Variants in CCSER1 observed in about 807,000 individuals in gnomAD.
The protein encoded by CCSER1 is coiled-coil serine rich protein 1, also known as serine-rich coiled-coil domain-containing protein 1.
Under a neutral mutation model 82.0 loss-of-function variants are expected in CCSER1, and 41 were observed. The observed-to-expected ratio is 0.50, with a 90% CI of 0.39 to 0.65. CCSER1 has a LOEUF of 0.65. Among genes scored for constraint, CCSER1 ranks in the 30% least tolerant of loss-of-function variants. The pLI is 0.00. For missense variants in CCSER1, 1,119 were observed against 1,064.2 expected (o/e 1.05, Z -0.72); for synonymous variants, 414 against 383.9 (o/e 1.08, Z -0.92).
intron 5 of CCSER1, among the ~76,000 whole-genome samples, chr4:90,618,272 G>T (rs913958197): frequency 2.0e-5 from 3 of 151,820 alleles, no homozygotes; most frequent in African/African-American, 7.3e-5. Flanking sequence ...ATACTTTTAG[G>T]TATTACCTTT....
Position 91,569,385 on chromosome 4 carries a change from G to C in CCSER1, c.2218-29187G>C, listed in dbSNP as rs556091145. Among the ~76,000 whole-genome samples, 362 of 152,280 alleles carry C rather than the reference G, an allele frequency of 2.4e-3. 1 individual carries two copies. The highest frequency in any genetic ancestry group is 3.7e-3 in the Non-Finnish European group (253 of 68,020). ...GGTAGAAGAGGAAAGGATCTTAGTA[G>C]TGGTTGGAGCTGAGGATTGTTTGGT... On this transcript the variant is annotated intron_variant, in intron 10 of 10. Coordinates refer to ENST00000509176, the MANE Select transcript of CCSER1 (RefSeq NM_001145065.2).
intron 5 of CCSER1, among the ~76,000 whole-genome samples, chr4:90,470,353 A>G (rs1185850564): frequency 6.6e-6 from 1 of 152,182 alleles, no homozygotes; most frequent in African/African-American, 2.4e-5. Context: ...TACATACCCA[A>G]CACTGTTATT....
At chr4:90,179,905 C>A (rs1244457060) in intron 1 of CCSER1, among the ~76,000 whole-genome samples, 1 of 151,932 alleles carries the variant, frequency 6.6e-6, no homozygotes, top group Non-Finnish European at 1.5e-5. Context: ...TGGTTTTGTG[C>A]CTATGGCCTC....
At chr4:91,133,096 C>T (rs1327566469) in intron 10 of CCSER1, among the ~76,000 whole-genome samples, 5 of 152,076 alleles carry the variant, frequency 3.3e-5, no homozygotes, top group Non-Finnish European at 7.4e-5. Flanking sequence ...CGTTGTTTTC[C>T]AACTAAGACT....
intron 10 of CCSER1, among the ~76,000 whole-genome samples, chr4:91,274,367 C>T (rs765047555): frequency 3.3e-5 from 5 of 151,996 alleles, no homozygotes; most frequent in Non-Finnish European, 7.4e-5. Context: ...TTAAAATATA[C>T]GAAACACTGT....
intron 9 of CCSER1, among the ~76,000 whole-genome samples, chr4:91,028,913 T>A (rs934371801): frequency 7.2e-6 from 1 of 139,776 alleles, no homozygotes; most frequent in African/African-American, 2.4e-5. Flanking sequence ...AAGACAATTA[T>A]AAGCTTCAGC....
Position 90,212,259 on chromosome 4 carries a change from T to C in CCSER1, c.-42+84428T>C, listed in dbSNP as rs1295695140. 3.3e-5 allele frequency among the ~76,000 whole-genome samples: 5 copies of C among 152,176 alleles called. No homozygotes were observed. In the East Asian group the frequency reaches 9.6e-4, roughly 29 times the overall value. ...GTATTTGTTTGGGTTGTCATGTATG[T>C]ATATATATCTCCACCCAATATACAA... is the stretch of plus-strand genomic sequence containing the variant. On this transcript the variant is annotated intron_variant, in intron 1 of 10. Transcript: ENST00000509176.
At chr4:90,555,097 T>G (rs1170450626) in intron 5 of CCSER1, among the ~76,000 whole-genome samples, 2 of 152,158 alleles carry the variant, frequency 1.3e-5, no homozygotes, top group African/African-American at 4.8e-5. Flanking sequence ...CTCAAAAATA[T>G]GTTAAACATA....
At chr4:90,208,314 C>T (rs776720648) in intron 1 of CCSER1, among the ~76,000 whole-genome samples, 14 of 152,162 alleles carry the variant, frequency 9.2e-5, no homozygotes, top group Non-Finnish European at 1.9e-4. Flanking sequence ...AAGGGAAAAT[C>T]GCCTACTCAA....
chr4:90,810,152 G>T (rs1244680139), intron 7 of CCSER1, among the ~76,000 whole-genome samples: 1 of 152,110 alleles, frequency 6.6e-6, no homozygotes, highest in South Asian at 2.1e-4. Flanking sequence ...AATAGAGATG[G>T]TGTTTCACTG....
At chr4:91,442,002 C>A (rs1755193224) in intron 10 of CCSER1, among the ~76,000 whole-genome samples, 2 of 152,316 alleles carry the variant, frequency 1.3e-5, no homozygotes, top group Admixed American at 1.3e-4. Context: ...ACATTCCATG[C>A]TCATGGATAG....
chr4:91,418,450 T>C (rs1352520410), intron 10 of CCSER1, among the ~76,000 whole-genome samples: 4 of 151,278 alleles, frequency 2.6e-5, no homozygotes, highest in African/African-American at 9.8e-5. Context: ...TATGAACAAA[T>C]ATACACTATT....
rs185400437 is a variant in CCSER1, at chr4:90,703,778, A to C, written c.1933-20136A>C. 2.0e-3 allele frequency among the ~76,000 whole-genome samples: 304 copies of C among 152,230 alleles called. 2 individuals are homozygous for C. Among genetic ancestry groups the C allele is most frequent in the Non-Finnish European group, 3.3e-3 (227 of 68,024 alleles). ...TTGTTGGTTTAAAGTCTGTTTTATC[A>C]GAGACTAGGATTGCAACCCCCACTT... On this transcript the variant is annotated intron_variant, in intron 6 of 10. Coordinates refer to ENST00000509176, the MANE Select transcript of CCSER1 (RefSeq NM_001145065.2).
At chr4:90,280,220 A>G (rs1332447299) in intron 1 of CCSER1, among the ~76,000 whole-genome samples, 5 of 152,072 alleles carry the variant, frequency 3.3e-5, no homozygotes, top group Non-Finnish European at 7.4e-5. Flanking sequence ...TAGTAAAGTC[A>G]CTACAGTATT....
intron 1 of CCSER1, among the ~76,000 whole-genome samples, chr4:90,206,040 G>A (rs1277837311): frequency 6.6e-6 from 1 of 152,044 alleles, no homozygotes; most frequent in African/African-American, 2.4e-5. Context: ...GATCAGTGGG[G>A]ATATCTCCTT....
chr4:90,920,874 A>T (rs1469650903), intron 8 of CCSER1, among the ~76,000 whole-genome samples: 1 of 151,874 alleles, frequency 6.6e-6, no homozygotes, highest in African/African-American at 2.4e-5. Flanking sequence ...ATGAAGGTGA[A>T]ATTTCTGTAT....
At chr4:90,392,899 C>G (rs1751415677) in intron 3 of CCSER1, among the ~76,000 whole-genome samples, 1 of 152,078 alleles carries the variant, frequency 6.6e-6, no homozygotes, top group Admixed American at 6.5e-5. Context: ...AAATAACTAT[C>G]CTCAGAGCAG....
intron 9 of CCSER1, among the ~76,000 whole-genome samples, chr4:90,949,135 G>T (rs927649814): frequency 9.2e-5 from 14 of 152,022 alleles, no homozygotes; most frequent in African/African-American, 3.4e-4. Context: ...ATGAGTATCA[G>T]ACACAGACCT....
intron 10 of CCSER1, among the ~76,000 whole-genome samples, chr4:91,224,257 T>C (rs1737979936): frequency 6.6e-6 from 1 of 152,082 alleles, no homozygotes; most frequent in Non-Finnish European, 1.5e-5. Flanking sequence ...CTTACATATA[T>C]TTAACGAAAT....
Sources: gnomAD v4.1 joint callset for allele counts (sites outside exome capture counted in the v4.1 genomes callset) on GRCh38, gnomAD v4.1.1 for gene constraint, MANE v1.5 for transcripts, NCBI Gene and HGNC (gene_info 2026-07-23, HGNC 2026-07-21) for gene names.